The following FTO variants were observed in gnomAD, a reference collection of about 807,000 sequenced individuals.
FTO encodes alpha-ketoglutarate-dependent dioxygenase FTO.
In FTO, 47 loss-of-function variants were observed where a neutral mutation model predicts 63.9. The ratio of observed to expected loss-of-function variants is 0.74; its 90% CI spans 0.58 to 0.94. The LOEUF is 0.94. Ranked by LOEUF, FTO falls within the 40% of genes least tolerant of loss-of-function variation. The pLI is 0.00. For synonymous variants in FTO, 207 were observed against 224.4 expected, an observed-to-expected ratio of 0.92 and a Z score of 0.69; for missense variants, 562 against 618.1, an observed-to-expected ratio of 0.91 and a Z score of 0.96.
chr16:53,858,729 C>T (rs565992351), intron 4 of FTO, among the ~76,000 whole-genome samples: 4 of 151,640 alleles, frequency 2.6e-5, no homozygotes, highest in South Asian at 4.2e-4. Flanking sequence ...GGTGGGATCT[C>T]GGCTCACTGC....
intron 2 of FTO, among the ~76,000 whole-genome samples, chr16:53,817,376 G>A (rs977700595): frequency 2.6e-5 from 4 of 152,070 alleles, no homozygotes; most frequent in African/African-American, 4.8e-5. Flanking sequence ...GTTAGTCATC[G>A]GATGGCTGCC....
At chr16:53,952,152 A>C (rs1004860490) in intron 8 of FTO, among the ~76,000 whole-genome samples, 1 of 152,070 alleles carries the variant, frequency 6.6e-6, no homozygotes, top group Non-Finnish European at 1.5e-5. Flanking sequence ...CTTTCATTTT[A>C]TAGTTAAGGT....
intron 1 of FTO, among the ~76,000 whole-genome samples, chr16:53,786,947 T>C (rs2077757391): frequency 6.6e-6 from 1 of 151,024 alleles, no homozygotes; most frequent in African/African-American, 2.4e-5. Context: ...CCATCTCTAC[T>C]AAAAATACAA....
chr16:53,997,587 G>T (rs986314510), intron 8 of FTO, among the ~76,000 whole-genome samples: 6 of 149,480 alleles, frequency 4.0e-5, no homozygotes, highest in Non-Finnish European at 5.9e-5. Flanking sequence ...GGGTGGGAGT[G>T]GGGGGGTGGT....
At chr16:53,941,012 G>A (rs2082515840) in intron 8 of FTO, among the ~76,000 whole-genome samples, 1 of 152,176 alleles carries the variant, frequency 6.6e-6, no homozygotes, top group Non-Finnish European at 1.5e-5. Context: ...AAGTTAATCA[G>A]CTTTAGAACT....
Position 53,977,139 on chromosome 16 carries a change from ATCCTTTATTAAGTAAAATAATTCTTAT to A in FTO, c.1364+43033_1364+43059del, listed in dbSNP as rs545430913. On this transcript the variant is annotated intron_variant, in intron 8 of 8. Transcript: ENST00000471389. ...AGATTTGCTGAGATTTCTGATCAAT[ATCCTTTATTAAGTAAAATAATTCTTAT>A]TCTCTTTAATTCTCTTTAATGGTTG... Among the ~76,000 whole-genome samples the A allele has an allele frequency of 5.7e-3, 869 of 152,246 alleles. 6 individuals carry two copies. The highest frequency in any genetic ancestry group is 0.02 in the African/African-American group (834 of 41,556).
chr16:54,081,610 T>C (rs1420858016), intron 8 of FTO, among the ~76,000 whole-genome samples: 1 of 152,120 alleles, frequency 6.6e-6, no homozygotes, highest in East Asian at 1.9e-4. Flanking sequence ...TAACAAGCAC[T>C]ATATATAAAT....
At chr16:53,715,630 A>C (rs1384344091) in intron 1 of FTO, among the ~76,000 whole-genome samples, 1 of 152,178 alleles carries the variant, frequency 6.6e-6, no homozygotes, top group Non-Finnish European at 1.5e-5. Context: ...TCCGCCTCTT[A>C]TGTCTTGTGA....
chr16:53,798,009 G>T (rs2078120237), intron 1 of FTO, among the ~76,000 whole-genome samples: 1 of 151,974 alleles, frequency 6.6e-6, no homozygotes, highest in African/African-American at 2.4e-5. Flanking sequence ...GTATGCACAA[G>T]GTGTGGATTG....
intron 1 of FTO, among the ~76,000 whole-genome samples, chr16:53,758,103 A>C (rs2076964897): frequency 6.6e-6 from 1 of 152,214 alleles, no homozygotes; most frequent in African/African-American, 2.4e-5. Flanking sequence ...CCTGCCAGAT[A>C]GGTGTAAGAT....
intron 8 of FTO, among the ~76,000 whole-genome samples, chr16:54,058,732 ACCT>A (rs2085501821): frequency 6.6e-6 from 1 of 151,990 alleles, no homozygotes; most frequent in Non-Finnish European, 1.5e-5. Flanking sequence ...TTTTCCCCCC[ACCT>A]CCTGTGCATG....
intron 1 of FTO, among the ~76,000 whole-genome samples, chr16:53,787,110 CAAAAAAAAAAAAAAAAAAAA>C (rs35391915): frequency 1.8e-5 from 1 of 56,172 alleles, no homozygotes; most frequent in Non-Finnish European, 2.8e-5. Context: ...GACTCCTTCT[CAAAAAAAAAAAAAAAAAAAA>C]AAAAAAAAAA....
rs540159078 is a variant in FTO, at chr16:53,881,725, A to G, written c.1119+1738A>G. 6.6e-5 allele frequency among the ~76,000 whole-genome samples: 10 copies of G among 152,358 alleles called. 1 individual carries two copies. In the South Asian group the frequency reaches 1.9e-3, roughly 28 times the overall value. ...TCAATATTTGCTTTATCTTTGGACT[A>G]CATACATTGTTTAGTTACTTAATAT... On this transcript the variant is annotated intron_variant, in intron 6 of 8. Transcript: ENST00000471389.
intron 8 of FTO, among the ~76,000 whole-genome samples, chr16:53,978,287 C>T (rs1291313684): frequency 6.6e-6 from 1 of 152,142 alleles, no homozygotes; most frequent in African/African-American, 2.4e-5. Context: ...ATTTGCACCC[C>T]CTAGTATGGA....
At chr16:54,032,624 T>G (rs1459924503) in intron 8 of FTO, among the ~76,000 whole-genome samples, 1 of 152,172 alleles carries the variant, frequency 6.6e-6, no homozygotes, top group African/African-American at 2.4e-5. Context: ...GGTTAGTAAT[T>G]GCCTTGACTA....
Position 53,991,863 on chromosome 16 carries a change from T to C in FTO, c.1364+57754T>C, listed in dbSNP as rs369680516. ...TCATTCAAACACTTTAAAACTGAAA[T>C]TGTTTTGTTCTGAAGTAGGGTTCAG... On this transcript the variant is annotated intron_variant, in intron 8 of 8. Transcript: ENST00000471389. The C allele has an allele frequency of 8.5e-5, 13 of 152,274 alleles. No individual in the cohort carries two copies. In the East Asian group the frequency reaches 9.7e-4, roughly 11 times the overall value. The allele number at this position is 152,274 out of a possible 1,614,324, so 9.4% of individuals were successfully genotyped here.
intron 1 of FTO, among the ~76,000 whole-genome samples, chr16:53,778,034 T>C (rs2077501977): frequency 1.3e-5 from 2 of 152,292 alleles, no homozygotes; most frequent in Admixed American, 6.5e-5. Context: ...TCACACAGTA[T>C]AGTAAAAAGA....
At chr16:54,059,203 G>A (rs894268997) in intron 8 of FTO, among the ~76,000 whole-genome samples, 4 of 152,206 alleles carry the variant, frequency 2.6e-5, no homozygotes, top group Non-Finnish European at 5.9e-5. Flanking sequence ...GCAGCCGAGT[G>A]AAAAATGATC....
At chr16:53,997,142 AAGAGAGAGAG>A (rs71380054) in intron 8 of FTO, among the ~76,000 whole-genome samples, 3 of 143,678 alleles carry the variant, frequency 2.1e-5, no homozygotes, top group East Asian at 2.1e-4. Context: ...GAAGGAAAGA[AAGAGAGAGAG>A]AGAGAGAGAG....
Sources: allele counts gnomAD v4.1 joint callset (sites outside exome capture counted in the v4.1 genomes callset), GRCh38; gene constraint gnomAD v4.1.1; transcripts MANE v1.5; gene names NCBI Gene and HGNC (gene_info 2026-07-23, HGNC 2026-07-21).